Variants in NRXN1 observed in about 807,000 individuals in gnomAD.
The protein encoded by NRXN1 is neurexin 1, also known as neurexin-1.
NRXN1 carries 39 observed loss-of-function variants against 150.9 expected under a neutral mutation model. The observed-to-expected ratio is 0.26, with a 90% confidence interval of 0.20 to 0.34. The LOEUF (loss-of-function observed/expected upper bound fraction) is 0.34. Among genes scored for constraint, NRXN1 ranks in the 10% least tolerant of loss-of-function variants. The pLI is 1.00. For missense variants in NRXN1, 1,815 were observed against 1,949.9 expected, an observed-to-expected ratio of 0.93 and a Z score of 1.30; for synonymous variants, 924 against 757.0, an observed-to-expected ratio of 1.22 and a Z score of -3.62.
At chr2:50,598,718 A>C (rs1007742957) in intron 8 of NRXN1, among the ~76,000 whole-genome samples, 3 of 146,882 alleles carry the variant, frequency 2.0e-5, no homozygotes, top group Non-Finnish European at 4.5e-5. Context: ...ATATATATGT[A>C]TATATACACA....
At chr2:50,195,745 A>G (rs1438805089) in intron 18 of NRXN1, among the ~76,000 whole-genome samples, 1 of 152,096 alleles carries the variant, frequency 6.6e-6, no homozygotes, top group Non-Finnish European at 1.5e-5. Flanking sequence ...GGAAACACAC[A>G]AATACTACCT....
intron 2 of NRXN1, among the ~76,000 whole-genome samples, chr2:50,996,489 C>A (rs1699301419): frequency 6.6e-6 from 1 of 152,066 alleles, no homozygotes; most frequent in Non-Finnish European, 1.5e-5. Flanking sequence ...ATATTTATTT[C>A]TCACATATTT....
intron 18 of NRXN1, among the ~76,000 whole-genome samples, chr2:50,169,261 T>G (rs923251230): frequency 5.9e-5 from 9 of 152,140 alleles, no homozygotes; most frequent in Admixed American, 3.9e-4. Context: ...TGGCCAAAAG[T>G]GTCCACTCTT....
intron 17 of NRXN1, among the ~76,000 whole-genome samples, chr2:50,301,157 A>G (rs1558483669): frequency 6.6e-6 from 1 of 152,188 alleles, no homozygotes; most frequent in African/African-American, 2.4e-5. Flanking sequence ...GTAAACTTCT[A>G]TTTTGCTTAA....
chr2:50,273,918 A>G (rs1198152828), intron 17 of NRXN1, among the ~76,000 whole-genome samples: 2 of 152,138 alleles, frequency 1.3e-5, no homozygotes, highest in African/African-American at 4.8e-5. Context: ...AGGCTTTTAT[A>G]CTGTTGGTGG....
intron 5 of NRXN1, among the ~76,000 whole-genome samples, chr2:50,815,322 C>A (rs1668775129): frequency 1.3e-5 from 2 of 152,134 alleles, no homozygotes. Context: ...GACATTATGT[C>A]TTTTCTAAAT....
intron 8 of NRXN1, among the ~76,000 whole-genome samples, chr2:50,564,566 G>C (rs1669581767): frequency 6.6e-6 from 1 of 152,054 alleles, no homozygotes; most frequent in African/African-American, 2.4e-5. Context: ...GACAGAATGA[G>C]ACAGTCTGTA....
At chr2:50,792,862 GAA>G (rs535993773) in intron 5 of NRXN1, among the ~76,000 whole-genome samples, 112 of 151,916 alleles carry the variant, frequency 7.4e-4, no homozygotes, top group African/African-American at 2.6e-3. Context: ...TTAAAACATA[GAA>G]AAGTTAAGTG....
intron 21 of NRXN1, among the ~76,000 whole-genome samples, chr2:49,955,406 T>C (rs567084996): frequency 6.6e-6 from 1 of 152,064 alleles, no homozygotes; most frequent in Non-Finnish European, 1.5e-5. Context: ...GCTGGAAATG[T>C]ATGGTAGAGA....
chr2:49,922,357 T>A, intron 22 of NRXN1, 106 bp from the exon 23 acceptor site: 1 of 1,144,784 alleles, frequency 8.7e-7, no homozygotes. Context: ...ACCTATGCTT[T>A]AGGAAAGGTA....
intron 5 of NRXN1, among the ~76,000 whole-genome samples, chr2:50,649,346 T>C (rs1307327987): frequency 3.3e-5 from 5 of 151,674 alleles, no homozygotes; most frequent in Admixed American, 1.3e-4. Context: ...TTCTCTGAGA[T>C]TTCTTTAGGC....
At chr2:50,774,793 A>G (rs975927304) in intron 5 of NRXN1, among the ~76,000 whole-genome samples, 4 of 151,996 alleles carry the variant, frequency 2.6e-5, no homozygotes, top group South Asian at 2.1e-4. Context: ...TCATCCATAA[A>G]TTTTTTCTTA....
intron 5 of NRXN1, among the ~76,000 whole-genome samples, chr2:50,801,889 T>A (rs548241398): frequency 8.2e-4 from 125 of 152,256 alleles, no homozygotes; most frequent in African/African-American, 2.9e-3. Context: ...TATAACAATA[T>A]CTTGGTTTCT....
intron 5 of NRXN1, among the ~76,000 whole-genome samples, chr2:50,908,541 T>C (rs1684065504): frequency 1.3e-5 from 2 of 151,968 alleles, no homozygotes; most frequent in Non-Finnish European, 2.9e-5. Context: ...AATTAGAGCA[T>C]GCCAAGATTA....
At chr2:50,356,975 C>T (rs1475594831) in intron 17 of NRXN1, among the ~76,000 whole-genome samples, 1 of 151,952 alleles carries the variant, frequency 6.6e-6, no homozygotes, top group Non-Finnish European at 1.5e-5. Context: ...TGCCTCACTA[C>T]CAATGCCCTT....
intron 17 of NRXN1, among the ~76,000 whole-genome samples, chr2:50,412,822 CAT>C (rs1214781507): frequency 2.6e-5 from 4 of 152,142 alleles, no homozygotes; most frequent in Non-Finnish European, 5.9e-5. Context: ...GCACCAAAAA[CAT>C]ATCCTGGGGA....
At chr2:50,969,575 T>G (rs1318730096) in intron 2 of NRXN1, among the ~76,000 whole-genome samples, 1 of 152,154 alleles carries the variant, frequency 6.6e-6, no homozygotes, top group African/African-American at 2.4e-5. Flanking sequence ...AACTATTTGA[T>G]CTCTCAAAAC....
intron 18 of NRXN1, among the ~76,000 whole-genome samples, chr2:50,179,836 A>C (rs1408744031): frequency 6.6e-6 from 1 of 152,084 alleles, no homozygotes; most frequent in Non-Finnish European, 1.5e-5. Context: ...CTAGAGCTAG[A>C]CGTCCAGGCA....
intron 8 of NRXN1, among the ~76,000 whole-genome samples, chr2:50,610,255 T>C (rs984272649): frequency 2.6e-5 from 4 of 152,138 alleles, no homozygotes; most frequent in Non-Finnish European, 5.9e-5. Flanking sequence ...TAAATTTATA[T>C]GAAGGTGTTT....
Sources: gnomAD v4.1 joint callset for allele counts (sites outside exome capture counted in the v4.1 genomes callset) on GRCh38, gnomAD v4.1.1 for gene constraint, MANE v1.5 for transcripts, NCBI Gene and HGNC (gene_info 2026-07-23, HGNC 2026-07-21) for gene names.